LAMC1: variants seen among roughly 807,000 people sequenced by gnomAD.
LAMC1 encodes the protein laminin subunit gamma 1.
LAMC1 carries 38 observed loss-of-function variants against 173.6 expected under a neutral mutation model. That is an observed-to-expected ratio of 0.22 (90% CI 0.17 to 0.29). The LOEUF is 0.29. Ranked by LOEUF, LAMC1 falls within the 10% of genes least tolerant of loss-of-function variation. LAMC1 has a pLI of 1.00. For synonymous variants in LAMC1, 746 were observed against 749.1 expected (o/e 1.00, Z 0.07); for missense variants, 1,824 against 2,051.8 (o/e 0.89, Z 2.14).
intron 1 of LAMC1, among the ~76,000 whole-genome samples, chr1:183,093,596 C>T (rs1655618528): frequency 6.6e-6 from 1 of 152,168 alleles, no homozygotes; most frequent in Non-Finnish European, 1.5e-5. Flanking sequence ...TAACTGTATG[C>T]TGACGACTTC....
chr1:183,117,657 T>C lies in LAMC1; in HGVS notation c.1811T>C (p.Val604Ala). ...DLVLEGAGLR[V>A]SVPLIAQGNS... ...GTGCTTGAGGGAGCTGGCTTAAGAG[T>C]ATCTGTACCCTTGATCGCTCAGGGC... The change falls in exon 10 of 28, where the codon GTA becomes GCA. Residue 604 changes from valine (V) to alanine (A), a missense_variant. Val to Ala is a moderately conservative substitution (Grantham distance 64). Coordinates refer to ENST00000258341, the MANE Select transcript of LAMC1 (RefSeq NM_002293.4). The C allele has an allele frequency of 6.2e-7, 1 of 1,614,186 alleles. No individual in the cohort carries two copies.
At chr1:183,033,631 C>T (rs912819641) in intron 1 of LAMC1, among the ~76,000 whole-genome samples, 1 of 152,160 alleles carries the variant, frequency 6.6e-6, no homozygotes, top group African/African-American at 2.4e-5. Flanking sequence ...TAATGGCTTT[C>T]TCTTATTGAG....
intron 1 of LAMC1, among the ~76,000 whole-genome samples, chr1:183,028,421 A>G (rs574939323): frequency 2.0e-4 from 31 of 152,334 alleles, no homozygotes; most frequent in Admixed American, 4.6e-4. Flanking sequence ...AGGAATTTAC[A>G]CACTCATAAT....
chr1:183,140,712 T>C (rs993131426), intron 27 of LAMC1: 5 of 349,730 alleles, frequency 1.4e-5, no homozygotes, highest in Non-Finnish European at 2.6e-5. Flanking sequence ...GACAGGGTCT[T>C]TAAGAGCAAC....
At chr1:183,077,017 C>T (rs1184229227) in intron 1 of LAMC1, among the ~76,000 whole-genome samples, 4 of 152,126 alleles carry the variant, frequency 2.6e-5, no homozygotes, top group Non-Finnish European at 5.9e-5. Flanking sequence ...CTTGAAGTAG[C>T]CAAGATTGCG....
At chr1:183,131,212 C>A (rs1044325042) in intron 19 of LAMC1, 87 bp from the exon 20 acceptor site, 2 of 860,690 alleles carry the variant, frequency 2.3e-6, no homozygotes, top group African/African-American at 1.7e-5. Context: ...TCTTTTTGCC[C>A]TCTAACAAAA....
At chr1:183,036,285 A>G (rs921004197) in intron 1 of LAMC1, among the ~76,000 whole-genome samples, 1 of 150,150 alleles carries the variant, frequency 6.7e-6, no homozygotes, top group East Asian at 2.0e-4. Flanking sequence ...TTTTTAGTAG[A>G]GATGGGGTTT....
chr1:183,109,469 G>C (rs1167804807), intron 3 of LAMC1, among the ~76,000 whole-genome samples: 1 of 152,152 alleles, frequency 6.6e-6, no homozygotes, highest in Non-Finnish European at 1.5e-5. Context: ...TTCAGTCAAA[G>C]GTCCTTTTAT....
At chr1:183,131,426 G>GTGTGTGTGTGTGT (rs199773324) in intron 20 of LAMC1, 48 bp downstream of exon 20, 2 of 906,608 alleles carry the variant, frequency 2.2e-6, no homozygotes, top group Middle Eastern at 2.2e-4. Context: ...CTTCTGTTAT[G>GTGTGTGTGTGTGT]GGGTGTGTGT....
chr1:183,028,716 T>C (rs1003624212), intron 1 of LAMC1, among the ~76,000 whole-genome samples: 10 of 152,250 alleles, frequency 6.6e-5, no homozygotes, highest in Non-Finnish European at 1.0e-4. Flanking sequence ...CAGACTCCTT[T>C]GGTTTTCCTT....
chr1:183,134,518 T>TA lies in LAMC1; in HGVS notation c.3850-136dup, dbSNP rs923667595. 17 of 587,746 alleles carry TA rather than the reference T, an allele frequency of 2.9e-5. No individual in the cohort carries two copies. In the African/African-American group the frequency reaches 3.2e-4, roughly 11 times the overall value. 36.4% of individuals were successfully genotyped at this position (587,746 alleles called of 1,614,324 possible). A position where few individuals can be genotyped will look rare whatever the true frequency, so the allele number is the denominator to read the frequency against. On this transcript the variant is annotated intron_variant, in intron 22 of 27. Coordinates refer to ENST00000258341, the MANE Select transcript of LAMC1 (RefSeq NM_002293.4). ...TGGGTGTAAAGTATATCTCATTTTT[T>TA]AAAAAAGTCCATAAAATCTTGATCT...
At chr1:183,032,094 A>G (rs1653863352) in intron 1 of LAMC1, among the ~76,000 whole-genome samples, 2 of 152,238 alleles carry the variant, frequency 1.3e-5, no homozygotes, top group African/African-American at 4.8e-5. Context: ...GAGATTTTAG[A>G]GTACTGCACC....
At chr1:183,125,310 G>C (rs1346138883) in intron 14 of LAMC1, 87 bp from the exon 15 acceptor site, 10 of 1,422,132 alleles carry the variant, frequency 7.0e-6, no homozygotes, top group South Asian at 4.7e-5. Context: ...GGCAACACAG[G>C]TCTAAAGAAT....
intron 27 of LAMC1, 56 bp from the exon 28 acceptor site, chr1:183,142,478 G>T: frequency 6.6e-7 from 1 of 1,525,536 alleles, no homozygotes. Flanking sequence ...TACTTGTGAA[G>T]GGATCATTCT....
Position 183,144,569 on chromosome 1 carries a change from T to G in LAMC1, c.*1779T>G, listed in dbSNP as rs1657204790. On this transcript the variant is annotated 3_prime_UTR_variant, in exon 28 of 28. Coordinates refer to ENST00000258341, the MANE Select transcript of LAMC1 (RefSeq NM_002293.4). ...AGAGGTAACTTGGGTCCTCTTCCAT[T>G]GCAGTCCTGATGATCCTAACCTGCA... 1 of 152,212 alleles carries G rather than the reference T, an allele frequency of 6.6e-6. No individual in the cohort carries two copies. The highest frequency in any genetic ancestry group is 1.5e-5 in the Non-Finnish European group (1 of 68,044). 9.4% of individuals were successfully genotyped at this position (152,212 alleles called of 1,614,324 possible). A position where few individuals can be genotyped will look rare whatever the true frequency, so the allele number is the denominator to read the frequency against.
In LAMC1 at chr1:183,128,630, A is replaced by C. The variant is rs1282063824; in HGVS notation, c.3160A>C (p.Ser1054Arg). ...TAGAGTGAAGCTCCAGGAATTAGAG[A>C]GTCTCATAGCAAACCTTGGAACTGG... is the stretch of plus-strand genomic sequence containing the variant. ...DHRVKLQELE[S>R]LIANLGTGDE... Residue 1054 changes from serine to arginine, a missense_variant, in exon 18 of 28, where the codon AGT becomes CGT. By Grantham distance (110) the Ser-to-Arg change is moderately radical (BLOSUM62 -1). Coordinates refer to ENST00000258341, the MANE Select transcript of LAMC1 (RefSeq NM_002293.4). 6.2e-7 allele frequency: 1 copy of C among 1,613,262 alleles called. No individual in the cohort carries two copies. The highest frequency in any genetic ancestry group is 1.3e-5 in the African/African-American group (1 of 74,880).
Position 183,142,857 on chromosome 1 carries a change from G to C in LAMC1, c.*67G>C. The C allele has an allele frequency of 6.7e-7, 1 of 1,492,758 alleles. No individual in the cohort carries two copies. Among genetic ancestry groups the C allele is most frequent in the Non-Finnish European group, 9.0e-7 (1 of 1,106,886 alleles). The allele number at this position is 1,492,758 out of a possible 1,614,324, so 92.5% of individuals were successfully genotyped here. A position where few individuals can be genotyped will look rare whatever the true frequency, so the allele number is the denominator to read the frequency against. ...CAGTTGTGAGGCCACAGAGTGCCTT[G>C]ACACAAAGATTACATTTTTCAGACC... On this transcript the variant is annotated 3_prime_UTR_variant, in exon 28 of 28. Coordinates refer to ENST00000258341, the MANE Select transcript of LAMC1 (RefSeq NM_002293.4).
At chr1:183,031,562 C>G (rs528766012) in intron 1 of LAMC1, among the ~76,000 whole-genome samples, 2 of 152,240 alleles carry the variant, frequency 1.3e-5, no homozygotes, top group Admixed American at 6.5e-5. Flanking sequence ...TCGTGGCTGC[C>G]CAAAGTGCTG....
chr1:183,140,605 A>G, intron 27 of LAMC1, 102 bp downstream of exon 27: 2 of 535,336 alleles, frequency 3.7e-6, no homozygotes, highest in Non-Finnish European at 6.4e-6. Flanking sequence ...ATATAGGTTT[A>G]CATGAATCCC....
Sources: allele counts gnomAD v4.1 joint callset (sites outside exome capture counted in the v4.1 genomes callset), GRCh38; gene constraint gnomAD v4.1.1; transcripts MANE v1.5; gene names NCBI Gene and HGNC (gene_info 2026-07-23, HGNC 2026-07-21).